WRNIP1: variants seen among roughly 807,000 people sequenced by gnomAD.
WRNIP1 encodes the protein WRN helicase interacting protein 1, also known as ATPase WRNIP1.
A neutral mutation model predicts 56.1 loss-of-function variants in WRNIP1; 41 were observed. The ratio of observed to expected loss-of-function variants is 0.73; its 90% confidence interval spans 0.57 to 0.95. The LOEUF is 0.95. Ranked by LOEUF, WRNIP1 falls within the 40% of genes least tolerant of loss-of-function variation. The pLI, the probability that WRNIP1 is intolerant of heterozygous loss-of-function variation, is 0.00. For missense variants in WRNIP1, 1,170 were observed against 939.4 expected, an observed-to-expected ratio of 1.25 and a Z score of -3.21; for synonymous variants, 547 against 398.1, an observed-to-expected ratio of 1.37 and a Z score of -4.45.
Position 2,766,371 on chromosome 6 carries a change from C to A in WRNIP1, c.749C>A (p.Thr250Asn). Residue 250 changes from threonine to asparagine, a missense_variant, in exon 1 of 7, where the codon ACC becomes AAC. Coordinates refer to ENST00000380773, the MANE Select transcript of WRNIP1 (RefSeq NM_020135.3). Reference protein sequence around the residue: ...FGQSKAVGQDTLLRSLLETNE... With the variant: ...FGQSKAVGQDNLLRSLLETNE... ...CAGAGCAAGGCCGTGGGCCAGGATACCCTGCTGCGCTCGCTCCTGGAGACC... is the reference window on the plus strand; with the variant it reads ...CAGAGCAAGGCCGTGGGCCAGGATAACCTGCTGCGCTCGCTCCTGGAGACC... 4 of 1,609,280 alleles carry A rather than the reference C, an allele frequency of 2.5e-6. No individual in the cohort carries two copies. The highest frequency in any genetic ancestry group is 2.2e-5 in the East Asian group (1 of 44,696).
chr6:2,782,102 G>A (rs1765574664), intron 4 of WRNIP1, among the ~76,000 whole-genome samples: 1 of 152,224 alleles, frequency 6.6e-6, no homozygotes, highest in Admixed American at 6.5e-5. Context: ...CGTGAGTTTA[G>A]CCAGGCCTGT....
chr6:2,767,207 T>C (rs1229931587), intron 1 of WRNIP1, among the ~76,000 whole-genome samples: 1 of 152,098 alleles, frequency 6.6e-6, no homozygotes, highest in Non-Finnish European at 1.5e-5. Flanking sequence ...AGAAAGCATG[T>C]CATTGGAAAA....
In WRNIP1 at chr6:2,785,418, A is replaced by G. The variant is rs1449610620; in HGVS notation, c.*136A>G. ...TTTGTGCCAGAAATTTAAGAGTTCC[A>G]TAGGTGGAGGCGCAGTTCTTTCGAA... On this transcript the variant is annotated 3_prime_UTR_variant, in exon 7 of 7. Coordinates refer to ENST00000380773, the MANE Select transcript of WRNIP1 (RefSeq NM_020135.3). 2.2e-5 allele frequency: 21 copies of G among 968,360 alleles called. No homozygotes were observed. Among genetic ancestry groups the G allele is most frequent in the Middle Eastern group, 3.3e-4 (1 of 3,052 alleles). The allele number at this position is 968,360 out of a possible 1,614,324, so 60.0% of individuals were successfully genotyped here.
In WRNIP1 at chr6:2,778,634, T is replaced by A. The variant is rs188662552; in HGVS notation, c.1257-629T>A. ...CTGTGCGGATTTTGCATGATTAGTGTCCACTATGAGATGACCTACTGCAGC... is the reference window on the plus strand; with the variant it reads ...CTGTGCGGATTTTGCATGATTAGTGACCACTATGAGATGACCTACTGCAGC... On this transcript the variant is annotated intron_variant, in intron 3 of 6. Transcript: ENST00000380773. Among the ~76,000 whole-genome samples, 3 of 152,270 alleles carry A rather than the reference T, an allele frequency of 2.0e-5. No homozygotes were observed. The East Asian group carries it at 5.8e-4, about 29-fold the overall frequency.
intron 3 of WRNIP1, among the ~76,000 whole-genome samples, 192 bp from the exon 4 acceptor site, chr6:2,779,071 C>T (rs1347438475): frequency 1.3e-5 from 2 of 152,196 alleles, no homozygotes; most frequent in African/African-American, 4.8e-5. Context: ...AGGGCGATAA[C>T]CTGGTGACTT....
intron 3 of WRNIP1, among the ~76,000 whole-genome samples, chr6:2,775,877 TA>T (rs1193569648): frequency 1.3e-5 from 2 of 152,262 alleles, no homozygotes; most frequent in African/African-American, 2.4e-5. Context: ...ATTTACTTCC[TA>T]TTGTTTATTT....
rs765262582 is a variant in WRNIP1 at position 2,770,127 on chromosome 6, T to G, written c.1022T>G (p.Phe341Cys). The G allele has an allele frequency of 4.3e-6, 7 of 1,614,110 alleles. No individual in the cohort carries two copies. The highest frequency in any genetic ancestry group is 5.9e-6 in the Non-Finnish European group (7 of 1,180,040). Residue 341 changes from phenylalanine (F) to cysteine (C), a missense_variant, in exon 3 of 7, where the codon TTC (phenylalanine) becomes TGC (cysteine). Physicochemically the swap from Phe to Cys is radical, Grantham distance 205. Transcript: ENST00000380773. ...TTTTCCTCCCATGATTAGGACACTT[T>G]CCTTCCTCACGTGGAATGTGGGACG... ...HRFNKSQQDT[F>C]LPHVECGTIT...
intron 3 of WRNIP1, among the ~76,000 whole-genome samples, chr6:2,777,639 C>G (rs1336549261): frequency 3.3e-5 from 5 of 152,270 alleles, no homozygotes; most frequent in African/African-American, 1.2e-4. Context: ...ACTGCTACAC[C>G]CCTGTGATGC....
intron 3 of WRNIP1, chr6:2,772,924 C>T (rs1056404262): frequency 1.0e-6 from 1 of 972,208 alleles, no homozygotes; most frequent in Non-Finnish European, 1.2e-6. Context: ...CATATACTTA[C>T]TTTCTCTCTC....
intron 3 of WRNIP1, among the ~76,000 whole-genome samples, chr6:2,777,136 A>G (rs1316043122): frequency 6.6e-6 from 1 of 152,150 alleles, no homozygotes; most frequent in Admixed American, 6.5e-5. Flanking sequence ...TTTATCTCTC[A>G]GTGCTGGAAA....
At chr6:2,773,331 C>G (rs1460364293) in intron 3 of WRNIP1, 2 of 985,406 alleles carry the variant, frequency 2.0e-6, no homozygotes, top group Non-Finnish European at 2.4e-6. Context: ...AGGTCCACTT[C>G]CAGTGCCACG....
Position 2,766,058 on chromosome 6 carries a change from G to A in WRNIP1, c.436G>A (p.Ala146Thr). ...RKGSGKRPAA[A>T]AAAGSASPRS... ...GGGGTCGGGGAAGAGGCCGGCGGCC[G>A]CCGCCGCGGCGGGGAGCGCGTCTCC... Residue 146 changes from alanine (A) to threonine (T), a missense_variant, in exon 1 of 7, where the codon GCC becomes ACC. Coordinates refer to ENST00000380773, the MANE Select transcript of WRNIP1 (RefSeq NM_020135.3). 7.7e-7 allele frequency: 1 copy of A among 1,293,642 alleles called. No homozygotes were observed. Among genetic ancestry groups the A allele is most frequent in the Non-Finnish European group, 9.8e-7 (1 of 1,025,168 alleles). 80.1% of individuals were successfully genotyped at this position (1,293,642 alleles called of 1,614,324 possible).
chr6:2,779,193 T>G, intron 3 of WRNIP1, 70 bp from the exon 4 acceptor site: 1 of 1,510,154 alleles, frequency 6.6e-7, no homozygotes, highest in African/African-American at 1.4e-5. Context: ...AGTATGAGTT[T>G]CTAAGACATG....
At chr6:2,783,607 G>T in intron 5 of WRNIP1, 46 bp downstream of exon 5, 1 of 1,022,112 alleles carries the variant, frequency 9.8e-7, no homozygotes. Flanking sequence ...CATGAGGGTG[G>T]GGAAATGGCT....
In WRNIP1 at chr6:2,786,264, T is replaced by G; in HGVS notation, c.*982T>G. Reference sequence around the variant, plus strand: ...TGCCGGCTGTTGGCCTGGGACGTCCTCTGCCTTTATTCTGAGTGAGATGCC... The same window carrying G: ...TGCCGGCTGTTGGCCTGGGACGTCCGCTGCCTTTATTCTGAGTGAGATGCC... On this transcript the variant is annotated 3_prime_UTR_variant, in exon 7 of 7. Coordinates refer to ENST00000380773, the MANE Select transcript of WRNIP1 (RefSeq NM_020135.3). 6.6e-6 allele frequency: 1 copy of G among 152,534 alleles called. No homozygotes were observed. Among genetic ancestry groups the G allele is most frequent in the Non-Finnish European group, 1.5e-5 (1 of 68,290 alleles). 9.4% of individuals were successfully genotyped at this position (152,534 alleles called of 1,614,324 possible).
In WRNIP1 at chr6:2,770,228, ATTG is replaced by A. The variant is rs1443552617; in HGVS notation, c.1126_1128del (p.Val376del). ...TGCTCTTCTGAGCCGCTGTCGAGTG[ATTG>A]TTCTTGAGAAGCTTCCAGTAGAGGC... On this transcript the variant is annotated inframe_deletion, in exon 3 of 7. Coordinates refer to ENST00000380773, the MANE Select transcript of WRNIP1 (RefSeq NM_020135.3). 6.2e-7 allele frequency: 1 copy of A among 1,614,120 alleles called. No homozygotes were observed. Among genetic ancestry groups the A allele is most frequent in the Non-Finnish European group, 8.5e-7 (1 of 1,180,022 alleles).
intron 6 of WRNIP1, among the ~76,000 whole-genome samples, 156 bp downstream of exon 6, chr6:2,784,559 C>T (rs1016091394): frequency 1.3e-5 from 2 of 152,158 alleles, no homozygotes; most frequent in African/African-American, 4.8e-5. Context: ...GACTCTTAGA[C>T]TCCTAGAGAG....
At position 2,770,333 on chromosome 6, in the gene WRNIP1, C is replaced by G. The variant is rs1240349128; in HGVS notation, c.1228C>G (p.Leu410Val). Residue 410 changes from leucine (L) to valine (V), a missense_variant, in exon 3 of 7, where the codon CTG becomes GTG. Leu to Val is a conservative substitution (Grantham distance 32, BLOSUM62 1). Coordinates refer to ENST00000380773, the MANE Select transcript of WRNIP1 (RefSeq NM_020135.3). ...AGACTCTAGCCGTCCCACTGACCCT[C>G]TGAGCCACAGCAGCAACAGCAGCTC... ...VLDSSRPTDP[L>V]SHSSNSSSEP... 6.2e-7 allele frequency: 1 copy of G among 1,614,202 alleles called. No homozygotes were observed. Among genetic ancestry groups the G allele is most frequent in the Admixed American group, 1.7e-5 (1 of 60,030 alleles).
rs1765661260 is a variant in WRNIP1 at position 2,784,507 on chromosome 6, G to T, written c.1722+104G>T. The T allele has an allele frequency of 4.3e-6, 5 of 1,169,530 alleles. No homozygotes were observed. In the South Asian group the frequency reaches 6.9e-5, roughly 16 times the overall value. The allele number at this position is 1,169,530 out of a possible 1,614,324, so 72.4% of individuals were successfully genotyped here. On this transcript the variant is annotated intron_variant, in intron 6 of 6. Coordinates refer to ENST00000380773, the MANE Select transcript of WRNIP1 (RefSeq NM_020135.3). ...TCCCTCCTTCACCATTGGTGTATTG[G>T]ACCCACTGAGTATGCTGCTTGGCTT... is the stretch of plus-strand genomic sequence containing the variant.
Sources: allele counts gnomAD v4.1 joint callset (sites outside exome capture counted in the v4.1 genomes callset), GRCh38; gene constraint gnomAD v4.1.1; transcripts MANE v1.5; gene names NCBI Gene and HGNC (gene_info 2026-07-23, HGNC 2026-07-21).